QRSL1: variants seen among roughly 807,000 people sequenced by gnomAD.
The protein encoded by QRSL1 is glutaminyl-tRNA amidotransferase subunit QRSL1, also known as glutamyl-tRNA(Gln) amidotransferase subunit A, mitochondrial.
A neutral mutation model predicts 61.6 loss-of-function variants in QRSL1; 54 were observed. The ratio of observed to expected loss-of-function variants is 0.88; its 90% CI spans 0.70 to 1.10. The LOEUF (loss-of-function observed/expected upper bound fraction) is 1.10, where lower values mean the gene tolerates loss of function less well. QRSL1 is among the 50% of genes least tolerant of loss of function. The probability of loss-of-function intolerance (pLI) is 0.00; values close to 1 mark genes in which losing one functional copy is unlikely to be tolerated. For missense variants in QRSL1, 505 were observed against 622.6 expected (o/e 0.81, Z 2.01); for synonymous variants, 228 against 225.7 (o/e 1.01, Z -0.09).
chr6:106,631,001 T>C lies in QRSL1; in HGVS notation c.24+1296T>C, dbSNP rs576359065. Among the ~76,000 whole-genome samples the C allele has an allele frequency of 5.5e-4, 83 of 152,064 alleles. 1 individual carries two copies. The South Asian group carries it at 0.017, about 31-fold the overall frequency. The stretch of plus-strand genomic sequence containing the variant: ...CAGCACTTTGGGAGGCCGAGGCGGG[T>C]GGATCACGAGGTCAGGAGATCGAGA... On this transcript the variant is annotated intron_variant, in intron 1 of 10. Coordinates refer to ENST00000369046, the MANE Select transcript of QRSL1 (RefSeq NM_018292.5).
intron 1 of QRSL1, among the ~76,000 whole-genome samples, chr6:106,638,961 A>G (rs1323767343): frequency 6.6e-6 from 1 of 152,114 alleles, no homozygotes; most frequent in Non-Finnish European, 1.5e-5. Context: ...AATAGAGTAG[A>G]GATAGAAATG....
chr6:106,665,116 A>G lies in QRSL1; in HGVS notation c.1367-666A>G, dbSNP rs552907648. 5.3e-5 allele frequency among the ~76,000 whole-genome samples: 8 copies of G among 152,296 alleles called. No homozygotes were observed. The East Asian group carries it at 1.2e-3, about 22-fold the overall frequency. On this transcript the variant is annotated intron_variant, in intron 10 of 10. Coordinates refer to ENST00000369046, the MANE Select transcript of QRSL1 (RefSeq NM_018292.5). Reference sequence around the variant, plus strand: ...GCCAATAAGAGCCCCTTCAAGTTATATGTATCCTTTAAAACTGTCCCCATT... The same window carrying G: ...GCCAATAAGAGCCCCTTCAAGTTATGTGTATCCTTTAAAACTGTCCCCATT...
At position 106,640,356 on chromosome 6, in the gene QRSL1, C is replaced by T. The variant is rs36016898; in HGVS notation, c.32C>T (p.Ala11Val). The change falls in exon 2 of 11, where the codon GCG becomes GTG. Residue 11 changes from alanine (A) to valine (V), a missense_variant. Ala to Val is a moderately conservative substitution (Grantham distance 64). Transcript: ENST00000369046. ...GAATTGTATACACTATAGGTTTCTGCGGCACTGAAACAAGGCCAAATTACA... is the reference window on the plus strand; with the variant it reads ...GAATTGTATACACTATAGGTTTCTGTGGCACTGAAACAAGGCCAAATTACA... MLGRSLREVS[A>V]ALKQGQITPT... is the part of the protein sequence containing the mutation. 104,801 of 1,609,742 alleles carry T rather than the reference C, an allele frequency of 0.065. 4,272 individuals carry two copies. The highest frequency in any genetic ancestry group is 0.19 in the African/African-American group (14,009 of 74,354).
chr6:106,654,888 A>G lies in QRSL1; in HGVS notation c.1008A>G (p.Ala336=), dbSNP rs1478348093. The change falls in exon 8 of 11, where the codon GCA becomes GCG. Residue 336 remains alanine, a synonymous_variant. Transcript: ENST00000369046. ...CYHVLCTSEV[A]SNMARFDGLQ... ...ATGTATTGTGCACATCAGAAGTGGCATCGAATATGGCAAGATTTGATGGGC... is the reference window on the plus strand; with the variant it reads ...ATGTATTGTGCACATCAGAAGTGGCGTCGAATATGGCAAGATTTGATGGGC... 2 of 1,609,342 alleles carry G rather than the reference A, an allele frequency of 1.2e-6. No homozygotes were observed. Among genetic ancestry groups the G allele is most frequent in the African/African-American group, 2.7e-5 (2 of 74,674 alleles).
chr6:106,662,619 C>T (rs1224949707), intron 9 of QRSL1, among the ~76,000 whole-genome samples: 1 of 151,974 alleles, frequency 6.6e-6, no homozygotes, highest in African/African-American at 2.4e-5. Context: ...CTTTCCACAT[C>T]AAGAGAAAGG....
At chr6:106,656,284 T>C (rs545089214) in intron 9 of QRSL1, among the ~76,000 whole-genome samples, 4 of 152,366 alleles carry the variant, frequency 2.6e-5, no homozygotes, top group Non-Finnish European at 4.4e-5. Context: ...TTAAGGATTT[T>C]AATCTCATTA....
At chr6:106,640,271 C>G (rs1405413185) in intron 1 of QRSL1, 78 bp from the exon 2 acceptor site, 1 of 1,336,880 alleles carries the variant, frequency 7.5e-7, no homozygotes, top group Non-Finnish European at 1.1e-6. Context: ...GCCACTCCAT[C>G]TCCCCCCACC....
intron 1 of QRSL1, among the ~76,000 whole-genome samples, chr6:106,638,539 G>A (rs544440266): frequency 6.6e-6 from 1 of 152,112 alleles, no homozygotes; most frequent in Non-Finnish European, 1.5e-5. Flanking sequence ...CCCAACCTCA[G>A]GTGGTCTGTC....
chr6:106,650,481 T>A (rs1028868808), intron 5 of QRSL1, among the ~76,000 whole-genome samples: 3 of 152,200 alleles, frequency 2.0e-5, no homozygotes, highest in African/African-American at 7.2e-5. Flanking sequence ...TAACTTCAGA[T>A]TGAATGTATC....
rs1175863090 is a variant in QRSL1 at position 106,649,161 on chromosome 6, G to A, written c.517G>A (p.Gly173Ser). 1.9e-6 allele frequency: 3 copies of A among 1,614,102 alleles called. No individual in the cohort carries two copies. Among genetic ancestry groups the A allele is most frequent in the Non-Finnish European group, 2.5e-6 (3 of 1,180,038 alleles). Residue 173 changes from glycine to serine, a missense_variant, in exon 5 of 11, where the codon GGT becomes AGT. Transcript: ENST00000369046. ...SDWLITGGSS[G>S]GSAAAVSAFT... ...CTGGCTGATAACTGGAGGAAGCTCA[G>A]GTGGGAGTGCAGCTGCTGTATCGGC...
At chr6:106,659,452 G>A (rs1399571551) in intron 9 of QRSL1, among the ~76,000 whole-genome samples, 1 of 149,196 alleles carries the variant, frequency 6.7e-6, no homozygotes, top group African/African-American at 2.5e-5. Flanking sequence ...GTGACGGAGT[G>A]AGACTCTGTC....
At chr6:106,654,662 A>G in intron 7 of QRSL1, 68 bp from the exon 8 acceptor site, 2 of 1,346,274 alleles carry the variant, frequency 1.5e-6, no homozygotes, top group Non-Finnish European at 2.0e-6. Flanking sequence ...ATCTATACAG[A>G]TGAAGTACAA....
chr6:106,643,611 C>T (rs1309588588), intron 4 of QRSL1, among the ~76,000 whole-genome samples: 1 of 150,028 alleles, frequency 6.7e-6, no homozygotes, highest in Non-Finnish European at 1.5e-5. Context: ...ACCCGGGAGG[C>T]GGAGGTTGCA....
chr6:106,640,055 C>G (rs1307146346), intron 1 of QRSL1: 2 of 243,080 alleles, frequency 8.2e-6, no homozygotes, highest in African/African-American at 2.3e-5. Flanking sequence ...CCTCAACTCC[C>G]CCTGGACAGG....
Position 106,655,604 on chromosome 6 carries a change from C to A in QRSL1, c.1043-11C>A. 6.4e-7 allele frequency: 1 copy of A among 1,563,678 alleles called. No individual in the cohort carries two copies. The highest frequency in any genetic ancestry group is 2.3e-5 in the East Asian group (1 of 43,564). On this transcript the variant is annotated splice_polypyrimidine_tract_variant and intron_variant, in intron 8 of 10. Transcript: ENST00000369046. ...CCTTTCAAGTAATGTTTACCCTTTT[C>A]TTGTTTTCAGGTCACAGATGTGACA...
rs1003118115 is a variant in QRSL1, at chr6:106,640,414, T to C, written c.90T>C (p.Leu30=). ...AGCTCTGTCAAAAATGTCTCTCTCT[T>C]ATCAAGAAGACCAAGTTTCTAAATG... The part of the protein sequence containing the change: ...PTELCQKCLS[L]IKKTKFLNAY... Residue 30 remains leucine (L), a synonymous_variant, in exon 2 of 11, where the codon CTT becomes CTC. Coordinates refer to ENST00000369046, the MANE Select transcript of QRSL1 (RefSeq NM_018292.5). 2 of 1,612,498 alleles carry C rather than the reference T, an allele frequency of 1.2e-6. No homozygotes were observed. The highest frequency in any genetic ancestry group is 1.3e-5 in the African/African-American group (1 of 74,778).
At chr6:106,652,846 A>G in intron 7 of QRSL1, 1 of 1,233,596 alleles carries the variant, frequency 8.1e-7, no homozygotes, top group Non-Finnish European at 1.1e-6. Context: ...TGGGCAAGAT[A>G]GCAAATATTT....
intron 5 of QRSL1, 83 bp from the exon 6 acceptor site, chr6:106,652,126 A>T: frequency 7.5e-7 from 1 of 1,334,688 alleles, no homozygotes; most frequent in Non-Finnish European, 1.0e-6. Context: ...AATACAGTTT[A>T]AAAATATACA....
chr6:106,658,324 T>A (rs1382111215), intron 9 of QRSL1, among the ~76,000 whole-genome samples: 1 of 152,186 alleles, frequency 6.6e-6, no homozygotes, highest in Non-Finnish European at 1.5e-5. Flanking sequence ...CAGTGAATTC[T>A]TTCAGCTTTG....
Sources: gnomAD v4.1 joint callset for allele counts (sites outside exome capture counted in the v4.1 genomes callset) on GRCh38, gnomAD v4.1.1 for gene constraint, MANE v1.5 for transcripts, NCBI Gene and HGNC (gene_info 2026-07-23, HGNC 2026-07-21) for gene names.